PDZRN3: variants seen among roughly 807,000 people sequenced by gnomAD.
PDZRN3 encodes the protein E3 ubiquitin-protein ligase PDZRN3.
Under a neutral mutation model 85.7 loss-of-function variants are expected in PDZRN3, and 38 were observed. The ratio of observed to expected loss-of-function variants is 0.44; its 90% CI spans 0.34 to 0.58. The LOEUF (loss-of-function observed/expected upper bound fraction) is 0.58. PDZRN3 is among the 20% of genes least tolerant of loss of function. The pLI is 0.01. For missense variants in PDZRN3, 1,629 were observed against 1,506.4 expected (o/e 1.08, Z -1.35); for synonymous variants, 759 against 638.0 (o/e 1.19, Z -2.86).
intron 3 of PDZRN3, among the ~76,000 whole-genome samples, chr3:73,445,786 T>C (rs1702737142): frequency 6.6e-6 from 1 of 152,152 alleles, no homozygotes; most frequent in Non-Finnish European, 1.5e-5. Context: ...TAAAGTTCCC[T>C]CTCCTATAAA....
At position 73,402,960 on chromosome 3, in the gene PDZRN3, T is replaced by TTTTTTTTTTTTTTTTTG; in HGVS notation, c.1166+1187_1166+1188insCAAAAAAAAAAAAAAAA. Among the ~76,000 whole-genome samples the TTTTTTTTTTTTTTTTTG allele has an allele frequency of 2.1e-4, 21 of 99,008 alleles. 1 individual carries two copies. The highest frequency in any genetic ancestry group is 7.3e-4 in the African/African-American group (20 of 27,236). The allele number at this position is 99,008 out of a possible 152,430, so 65.0% of individuals were successfully genotyped here. A position where few individuals can be genotyped will look rare whatever the true frequency, so the allele number is the denominator to read the frequency against. ...GAAAAGCTTTTTTTTTTTTTTTTTT[T>TTTTTTTTTTTTTTTTTG]TGAGACGGAGTCTCGCTCTGTTGCC... On this transcript the variant is annotated intron_variant, in intron 4 of 9. Transcript: ENST00000263666.
chr3:73,608,585 G>C lies in PDZRN3; in HGVS notation c.810+13C>G. On this transcript the variant is annotated intron_variant, in intron 2 of 9. Coordinates refer to ENST00000263666, the MANE Select transcript of PDZRN3 (RefSeq NM_015009.3). ...CCAGGAAAAGGAAAAACACATTTTA[G>C]TAATTAACATACCACACTCGGCCGG... 1 of 1,561,388 alleles carries C rather than the reference G, an allele frequency of 6.4e-7. No individual in the cohort carries two copies. The highest frequency in any genetic ancestry group is 1.1e-5 in the South Asian group (1 of 89,470).
At chr3:73,515,016 C>T (rs1436230368) in intron 3 of PDZRN3, among the ~76,000 whole-genome samples, 1 of 152,066 alleles carries the variant, frequency 6.6e-6, no homozygotes, top group Non-Finnish European at 1.5e-5. Context: ...TCCCCCTATA[C>T]TGTTTTCTAA....
At chr3:73,471,170 G>A (rs1021271304) in intron 3 of PDZRN3, among the ~76,000 whole-genome samples, 3 of 152,132 alleles carry the variant, frequency 2.0e-5, no homozygotes, top group Admixed American at 6.5e-5. Context: ...TTTTGATACA[G>A]AGGGACAACG....
intron 3 of PDZRN3, among the ~76,000 whole-genome samples, chr3:73,440,591 G>T (rs1040278280): frequency 6.6e-6 from 1 of 152,162 alleles, no homozygotes; most frequent in Non-Finnish European, 1.5e-5. Flanking sequence ...GCGACAAATG[G>T]GTACCCCCAT....
At chr3:73,468,652 T>C (rs1252311717) in intron 3 of PDZRN3, among the ~76,000 whole-genome samples, 4 of 152,184 alleles carry the variant, frequency 2.6e-5, no homozygotes, top group Non-Finnish European at 5.9e-5. Context: ...GAAATAGGTA[T>C]TTAACAAGCT....
At chr3:73,420,892 A>G (rs1185660019) in intron 3 of PDZRN3, among the ~76,000 whole-genome samples, 2 of 152,166 alleles carry the variant, frequency 1.3e-5, no homozygotes, top group Non-Finnish European at 2.9e-5. Flanking sequence ...CCTCCCATAT[A>G]GTTTAAATCA....
chr3:73,560,845 C>T (rs4290757), intron 3 of PDZRN3, among the ~76,000 whole-genome samples: 73,388 of 152,040 alleles, frequency 0.48, 17,841 homozygotes, highest in South Asian at 0.5. Flanking sequence ...GCCCCCTAGG[C>T]TCCAGGTGAC....
intron 6 of PDZRN3, among the ~76,000 whole-genome samples, chr3:73,390,674 G>T (rs917803982): frequency 7.5e-6 from 1 of 133,372 alleles, no homozygotes; most frequent in East Asian, 2.2e-4. Flanking sequence ...AGAGAGAGAG[G>T]CTTTAAAAAG....
intron 3 of PDZRN3, among the ~76,000 whole-genome samples, chr3:73,524,065 G>A (rs9870035): frequency 0.017 from 2,537 of 152,168 alleles, 70 homozygotes; most frequent in African/African-American, 0.057. Context: ...ACACTTCCCC[G>A]GGACCTCTCC....
chr3:73,455,651 A>G (rs138273975), intron 3 of PDZRN3, among the ~76,000 whole-genome samples: 58 of 152,380 alleles, frequency 3.8e-4, no homozygotes, highest in African/African-American at 1.2e-3. Flanking sequence ...ACCTTTATTT[A>G]TCTCCAACCT....
intron 3 of PDZRN3, among the ~76,000 whole-genome samples, chr3:73,597,629 A>G (rs138185001): frequency 5.9e-5 from 9 of 152,030 alleles, no homozygotes; most frequent in South Asian, 2.1e-4. Context: ...TCCAAGCCAT[A>G]TGGCTTGAAG....
chr3:73,488,614 T>G (rs1393033543), intron 3 of PDZRN3, among the ~76,000 whole-genome samples: 2 of 152,190 alleles, frequency 1.3e-5, no homozygotes, highest in Non-Finnish European at 2.9e-5. Context: ...TGTCCTGACC[T>G]CTTTGTTTAT....
chr3:73,467,114 G>T (rs1359846669), intron 3 of PDZRN3, among the ~76,000 whole-genome samples: 1 of 152,152 alleles, frequency 6.6e-6, no homozygotes, highest in Admixed American at 6.5e-5. Flanking sequence ...GATGGTGCAG[G>T]AAATGGAGAT....
intron 3 of PDZRN3, among the ~76,000 whole-genome samples, chr3:73,555,379 G>A (rs1701670576): frequency 1.3e-5 from 2 of 152,174 alleles, no homozygotes; most frequent in South Asian, 4.1e-4. Context: ...TTATTGAAAT[G>A]CAGAGCCAAA....
chr3:73,563,686 T>C (rs1289643354), intron 3 of PDZRN3, among the ~76,000 whole-genome samples: 2 of 152,202 alleles, frequency 1.3e-5, no homozygotes, highest in South Asian at 2.1e-4. Flanking sequence ...ACTGACGCTA[T>C]ATGGCCATAA....
At chr3:73,405,183 A>C (rs1425273769) in intron 3 of PDZRN3, among the ~76,000 whole-genome samples, 2 of 152,216 alleles carry the variant, frequency 1.3e-5, no homozygotes, top group East Asian at 1.9e-4. Context: ...AGAGGACCTT[A>C]CTAGTTTATG....
At chr3:73,613,076 T>G (rs1338255128) in intron 1 of PDZRN3, among the ~76,000 whole-genome samples, 1 of 152,240 alleles carries the variant, frequency 6.6e-6, no homozygotes, top group Non-Finnish European at 1.5e-5. Context: ...AGCTGGGGCC[T>G]GAAAGCTAAG....
intron 3 of PDZRN3, among the ~76,000 whole-genome samples, chr3:73,575,942 G>A (rs908076562): frequency 6.6e-6 from 1 of 152,134 alleles, no homozygotes; most frequent in Non-Finnish European, 1.5e-5. Flanking sequence ...GGAAGTTCAG[G>A]AGAAATATCA....
Sources: gnomAD v4.1 joint callset for allele counts (sites outside exome capture counted in the v4.1 genomes callset) on GRCh38, gnomAD v4.1.1 for gene constraint, MANE v1.5 for transcripts, NCBI Gene and HGNC (gene_info 2026-07-23, HGNC 2026-07-21) for gene names.